Variants in NAALADL2 observed in about 807,000 individuals in gnomAD.
NAALADL2 encodes the protein N-acetylated alpha-linked acidic dipeptidase like 2, also known as inactive N-acetylated-alpha-linked acidic dipeptidase-like protein 2.
Under a neutral mutation model 87.2 loss-of-function variants are expected in NAALADL2, and 76 were observed. That is an observed-to-expected ratio of 0.87 (90% confidence interval 0.72 to 1.05). The LOEUF is 1.05. NAALADL2 is among the 50% of genes least tolerant of loss of function. NAALADL2 has a pLI of 0.00. For missense variants in NAALADL2, 1,089 were observed against 945.8 expected (o/e 1.15, Z -1.99); for synonymous variants, 354 against 331.0 (o/e 1.07, Z -0.75).
At chr3:175,555,502 C>T (rs1426589582) in intron 9 of NAALADL2, among the ~76,000 whole-genome samples, 3 of 152,118 alleles carry the variant, frequency 2.0e-5, no homozygotes, top group Non-Finnish European at 2.9e-5. Context: ...ACAATATATT[C>T]CTTATCATTT....
chr3:174,569,839 C>G (rs1714717612), intron 2 of NAALADL2, among the ~76,000 whole-genome samples: 1 of 152,060 alleles, frequency 6.6e-6, no homozygotes, highest in Admixed American at 6.6e-5. Context: ...GCTTCCCTTG[C>G]TTGTTTTTGC....
chr3:175,041,145 CTA>C (rs974232297), intron 1 of NAALADL2, among the ~76,000 whole-genome samples: 2 of 152,066 alleles, frequency 1.3e-5, no homozygotes, highest in Non-Finnish European at 2.9e-5. Flanking sequence ...CATGCTGATG[CTA>C]TGTTTTCTAG....
chr3:174,811,797 A>G (rs1720242865), intron 3 of NAALADL2, among the ~76,000 whole-genome samples: 2 of 152,130 alleles, frequency 1.3e-5, no homozygotes, highest in South Asian at 4.2e-4. Context: ...TCCCCACCCA[A>G]ACTTCATGTT....
At chr3:175,632,762 T>C (rs533947025) in intron 11 of NAALADL2, among the ~76,000 whole-genome samples, 1 of 152,224 alleles carries the variant, frequency 6.6e-6, no homozygotes, top group African/African-American at 2.4e-5. Context: ...TGTAGTGCTA[T>C]AGAGCACCTA....
intron 5 of NAALADL2, among the ~76,000 whole-genome samples, chr3:175,331,914 A>G (rs183471362): frequency 1.3e-5 from 2 of 152,334 alleles, no homozygotes; most frequent in East Asian, 3.9e-4. Context: ...CAACATACAA[A>G]ATCAGCAGCC....
intron 5 of NAALADL2, among the ~76,000 whole-genome samples, chr3:175,349,259 G>A (rs1379622483): frequency 6.7e-6 from 1 of 149,616 alleles, no homozygotes; most frequent in Admixed American, 6.7e-5. Context: ...TCCAGAGACT[G>A]AGGAAAGCAG....
At chr3:174,663,783 CT>C (rs1336482684) in intron 2 of NAALADL2, among the ~76,000 whole-genome samples, 1 of 124,764 alleles carries the variant, frequency 8.0e-6, no homozygotes, top group African/African-American at 2.9e-5. Context: ...CACTGGATTT[CT>C]TTTTTTTTTC....
intron 4 of NAALADL2, among the ~76,000 whole-genome samples, chr3:175,261,483 G>A (rs1751030994): frequency 6.6e-6 from 1 of 152,012 alleles, no homozygotes; most frequent in South Asian, 2.1e-4. Flanking sequence ...CCAATTTTGT[G>A]TGCAGTGAAA....
intron 9 of NAALADL2, among the ~76,000 whole-genome samples, chr3:175,488,381 G>A (rs976606861): frequency 3.3e-5 from 5 of 152,112 alleles, no homozygotes; most frequent in Non-Finnish European, 7.4e-5. Flanking sequence ...AAAATTTGTG[G>A]GATATGTTAA....
chr3:174,828,959 C>G (rs905145254), intron 3 of NAALADL2, among the ~76,000 whole-genome samples: 1 of 152,086 alleles, frequency 6.6e-6, no homozygotes. Flanking sequence ...TTTTGTGAAG[C>G]TTGTAACAAT....
intron 1 of NAALADL2, among the ~76,000 whole-genome samples, chr3:174,934,542 T>C (rs948767376): frequency 6.6e-6 from 1 of 152,110 alleles, no homozygotes; most frequent in African/African-American, 2.4e-5. Flanking sequence ...CCGAGCGCGG[T>C]GGGTCATGTC....
intron 1 of NAALADL2, chr3:175,081,273 C>G (rs1717759278): frequency 6.6e-6 from 1 of 152,044 alleles, no homozygotes; most frequent in Non-Finnish European, 1.5e-5. Flanking sequence ...AAATATAACA[C>G]AGTGTAATTA....
chr3:174,639,978 G>A (rs1367328939), intron 2 of NAALADL2, among the ~76,000 whole-genome samples: 1 of 152,072 alleles, frequency 6.6e-6, no homozygotes, highest in Non-Finnish European at 1.5e-5. Context: ...TAGAAGTTCT[G>A]AAGTGTTTGT....
intron 1 of NAALADL2, among the ~76,000 whole-genome samples, chr3:174,985,207 A>C (rs1213153546): frequency 2.0e-5 from 3 of 152,198 alleles, no homozygotes; most frequent in Non-Finnish European, 4.4e-5. Flanking sequence ...TGAGAATTAG[A>C]TGATGTGTTC....
chr3:174,945,261 A>G (rs1739236202), intron 1 of NAALADL2, among the ~76,000 whole-genome samples: 1 of 152,190 alleles, frequency 6.6e-6, no homozygotes, highest in South Asian at 2.1e-4. Flanking sequence ...CTATTGTACA[A>G]GGTTAGTACT....
At chr3:175,346,131 A>G (rs184885672) in intron 5 of NAALADL2, among the ~76,000 whole-genome samples, 1 of 152,216 alleles carries the variant, frequency 6.6e-6, no homozygotes, top group African/African-American at 2.4e-5. Flanking sequence ...GTGTAATTGT[A>G]TTATATTTTT....
At chr3:175,474,749 A>G (rs1725423734) in intron 9 of NAALADL2, among the ~76,000 whole-genome samples, 1 of 152,008 alleles carries the variant, frequency 6.6e-6, no homozygotes, top group Non-Finnish European at 1.5e-5. Flanking sequence ...CTACCTCTTC[A>G]GTGCCTTTCA....
intron 3 of NAALADL2, among the ~76,000 whole-genome samples, chr3:174,820,573 G>C (rs1721309615): frequency 6.6e-6 from 1 of 152,004 alleles, no homozygotes; most frequent in African/African-American, 2.4e-5. Flanking sequence ...AAATGTATAT[G>C]GCATTTGCAA....
chr3:174,885,916 T>G (rs1730077385), intron 1 of NAALADL2, among the ~76,000 whole-genome samples: 2 of 49,834 alleles, frequency 4.0e-5, no homozygotes, highest in Admixed American at 2.5e-4. Flanking sequence ...TTTTTTTTTT[T>G]TTTTTTTTTT....
Sources: allele counts gnomAD v4.1 joint callset (sites outside exome capture counted in the v4.1 genomes callset), GRCh38; gene constraint gnomAD v4.1.1; transcripts MANE v1.5; gene names NCBI Gene and HGNC (gene_info 2026-07-23, HGNC 2026-07-21).